The following LZTS1 variants were observed in gnomAD, a reference collection of about 807,000 sequenced individuals.
LZTS1 encodes leucine zipper putative tumor suppressor 1.
LZTS1 carries 31 observed loss-of-function variants against 45.8 expected under a neutral mutation model. The observed-to-expected ratio is 0.68, with a 90% CI of 0.51 to 0.91. The LOEUF is 0.91. Ranked by LOEUF, LZTS1 falls within the 40% of genes least tolerant of loss-of-function variation. The pLI is 0.00. For synonymous variants in LZTS1, 359 were observed against 357.3 expected (o/e 1.00, Z -0.05); for missense variants, 821 against 788.9 (o/e 1.04, Z -0.49).
At chr8:20,266,178 A>G (rs762193826) in intron 1 of LZTS1, among the ~76,000 whole-genome samples, 3 of 152,044 alleles carry the variant, frequency 2.0e-5, no homozygotes, top group Non-Finnish European at 4.4e-5. Flanking sequence ...ATATGCCACC[A>G]TAACTGTCTA....
At chr8:20,280,063 A>C (rs1297356945) in intron 1 of LZTS1, among the ~76,000 whole-genome samples, 1 of 152,038 alleles carries the variant, frequency 6.6e-6, no homozygotes, top group African/African-American at 2.4e-5. Flanking sequence ...ACTGACCGAG[A>C]AAAGAGGTGA....
At chr8:20,268,403 C>T (rs541574398) in intron 1 of LZTS1, among the ~76,000 whole-genome samples, 76 of 152,098 alleles carry the variant, frequency 5.0e-4, no homozygotes, top group African/African-American at 1.8e-3. Flanking sequence ...TGATTCTCCC[C>T]GTTCCCCCTC....
intron 1 of LZTS1, among the ~76,000 whole-genome samples, chr8:20,262,187 G>A (rs1171140518): frequency 1.3e-5 from 2 of 152,248 alleles, no homozygotes; most frequent in East Asian, 1.9e-4. Flanking sequence ...CCAGCCAAGT[G>A]TGTCCTGAAT....
At chr8:20,290,640 G>C (rs1366928019) in intron 1 of LZTS1, among the ~76,000 whole-genome samples, 1 of 152,194 alleles carries the variant, frequency 6.6e-6, no homozygotes, top group African/African-American at 2.4e-5. Context: ...CTTGACTTCT[G>C]CATTTTCCTA....
chr8:20,255,565 C>A (rs1030403367), intron 1 of LZTS1, among the ~76,000 whole-genome samples: 3 of 152,212 alleles, frequency 2.0e-5, no homozygotes, highest in East Asian at 3.9e-4. Context: ...ACAGTCCCTG[C>A]ATTCCTGGAA....
At chr8:20,267,284 G>C (rs896116411) in intron 1 of LZTS1, among the ~76,000 whole-genome samples, 1 of 152,092 alleles carries the variant, frequency 6.6e-6, no homozygotes, top group East Asian at 1.9e-4. Context: ...GAGCCCAAGA[G>C]TGTAGACCTG....
rs765881042 is a variant in LZTS1, at chr8:20,253,279, C to A, written c.652G>T (p.Val218Phe). The A allele has an allele frequency of 1.9e-6, 3 of 1,613,972 alleles. No individual in the cohort carries two copies. Among genetic ancestry groups the A allele is most frequent in the African/African-American group, 1.3e-5 (1 of 74,944 alleles). Residue 218 changes from valine to phenylalanine, a missense_variant, in exon 3 of 4, where the codon GTC (valine) becomes TTC (phenylalanine). Transcript: ENST00000381569. ...CTCATCATGTTGCTGTCCTGGAGGA[C>A]GATGCCCTGGGTGATGTTGTGGGCG... Reference protein sequence around the residue: ...GSAHNITQGIVLQDSNMMSLK... With the variant: ...GSAHNITQGIFLQDSNMMSLK...
At chr8:20,263,349 TG>T (rs1238216674) in intron 1 of LZTS1, among the ~76,000 whole-genome samples, 1 of 151,878 alleles carries the variant, frequency 6.6e-6, no homozygotes, top group African/African-American at 2.4e-5. Context: ...TTTTTTTTTT[TG>T]AGACCTCTTA....
intron 1 of LZTS1, among the ~76,000 whole-genome samples, chr8:20,296,029 A>G (rs936560344): frequency 1.3e-5 from 2 of 152,074 alleles, no homozygotes; most frequent in African/African-American, 2.4e-5. Context: ...GCTGCCTTAC[A>G]CCCACTCTCT....
intron 1 of LZTS1, among the ~76,000 whole-genome samples, chr8:20,273,384 G>A (rs1015839410): frequency 2.6e-5 from 4 of 152,086 alleles, no homozygotes; most frequent in African/African-American, 9.7e-5. Context: ...ATCGTTATCT[G>A]CAGCCAAATC....
intron 1 of LZTS1, 149 bp from the exon 2 acceptor site, chr8:20,255,464 G>T: frequency 2.1e-6 from 1 of 478,308 alleles, no homozygotes. Context: ...TTCTTCCTTT[G>T]TCTGATAATT....
In LZTS1 at chr8:20,255,131, G is replaced by A. The variant is rs768426576; in HGVS notation, c.51C>T (p.His17=). 2.7e-5 allele frequency: 44 copies of A among 1,614,058 alleles called. 1 individual carries two copies. The highest frequency in any genetic ancestry group is 2.5e-5 in the Non-Finnish European group (30 of 1,180,018). The change falls in exon 2 of 4, where the codon CAC becomes CAT. Residue 17 remains histidine, a synonymous_variant. Coordinates refer to ENST00000381569, the MANE Select transcript of LZTS1 (RefSeq NM_021020.5). ...GCAGCTTGTACTGCGAAGCCCGGCA[G>A]TGCTTGCTGTGGAAGCTGTGGCCGG... is the stretch of plus-strand genomic sequence containing the variant. ...LISGHSFHSK[H]CRASQYKLRK... is the part of the protein sequence containing the mutation.
intron 1 of LZTS1, among the ~76,000 whole-genome samples, chr8:20,271,891 G>T (rs1457367390): frequency 1.3e-5 from 2 of 152,238 alleles, no homozygotes; most frequent in African/African-American, 4.8e-5. Context: ...CCGGGGCCTG[G>T]CTTGATGTGC....
intron 1 of LZTS1, among the ~76,000 whole-genome samples, chr8:20,300,330 T>G (rs1334446355): frequency 6.6e-6 from 1 of 152,078 alleles, no homozygotes; most frequent in Admixed American, 6.5e-5. Context: ...AAGCCAACAC[T>G]GTATTTTTTT....
intron 1 of LZTS1, among the ~76,000 whole-genome samples, chr8:20,258,281 C>A (rs557930650): frequency 2.6e-5 from 4 of 152,176 alleles, no homozygotes; most frequent in Non-Finnish European, 5.9e-5. Flanking sequence ...TACCATCCAT[C>A]CTAAAGGGGC....
At chr8:20,260,888 TGAG>T (rs1318900806) in intron 1 of LZTS1, among the ~76,000 whole-genome samples, 1 of 152,088 alleles carries the variant, frequency 6.6e-6, no homozygotes, top group Non-Finnish European at 1.5e-5. Context: ...CTTTGAAGTT[TGAG>T]GAGAGTTTGG....
chr8:20,267,485 A>C (rs955524529), intron 1 of LZTS1, among the ~76,000 whole-genome samples: 1 of 152,174 alleles, frequency 6.6e-6, no homozygotes, highest in Admixed American at 6.5e-5. Context: ...GGAAACCATC[A>C]GTCATCATTC....
Position 20,253,306 on chromosome 8 carries a change from A to G in LZTS1, c.625T>C (p.Ser209Pro), listed in dbSNP as rs1799995660. 1 of 1,613,882 alleles carries G rather than the reference A, an allele frequency of 6.2e-7. No homozygotes were observed. Among genetic ancestry groups the G allele is most frequent in the African/African-American group, 1.3e-5 (1 of 74,926 alleles). ...ATGCCCTGGGTGATGTTGTGGGCGG[A>G]GCCCCCAAAACGGCTTGTGGGTCCC... ...PVGPTSRFGG[S>P]AHNITQGIVL... is the part of the protein sequence containing the mutation. The change falls in exon 3 of 4, where the codon TCC becomes CCC. Residue 209 changes from serine to proline, a missense_variant. Physicochemically the swap from Ser to Pro is moderately conservative, Grantham distance 74. Coordinates refer to ENST00000381569, the MANE Select transcript of LZTS1 (RefSeq NM_021020.5).
chr8:20,274,890 C>T (rs1469143738), intron 1 of LZTS1, among the ~76,000 whole-genome samples: 1 of 152,008 alleles, frequency 6.6e-6, no homozygotes, highest in Non-Finnish European at 1.5e-5. Flanking sequence ...CGACCTAACC[C>T]TTGGTCCCTC....
Sources: gnomAD v4.1 joint callset for allele counts (sites outside exome capture counted in the v4.1 genomes callset) on GRCh38, gnomAD v4.1.1 for gene constraint, MANE v1.5 for transcripts, NCBI Gene and HGNC (gene_info 2026-07-23, HGNC 2026-07-21) for gene names.